TPCN2: variants seen among roughly 807,000 people sequenced by gnomAD.
TPCN2 encodes two pore segment channel 2.
Under a neutral mutation model 111.4 loss-of-function variants are expected in TPCN2, and 92 were observed. The ratio of observed to expected loss-of-function variants is 0.83; its 90% CI spans 0.70 to 0.98. The LOEUF (loss-of-function observed/expected upper bound fraction) is 0.98, where lower values mean the gene tolerates loss of function less well. TPCN2 is among the 50% of genes least tolerant of loss of function. TPCN2 has a pLI of 0.00. For missense variants in TPCN2, 995 were observed against 980.1 expected (o/e 1.02, Z -0.20); for synonymous variants, 405 against 414.5 (o/e 0.98, Z 0.28).
chr11:69,054,232 C>T (rs1443001716), intron 2 of TPCN2, 135 bp downstream of exon 2: 1 of 704,886 alleles, frequency 1.4e-6, no homozygotes, highest in African/African-American at 1.8e-5. Context: ...AGGGTGGAGC[C>T]TCTGGGCACG....
intron 4 of TPCN2, among the ~76,000 whole-genome samples, chr11:69,055,819 G>A (rs1288374701): frequency 1.3e-5 from 2 of 152,246 alleles, no homozygotes; most frequent in African/African-American, 4.8e-5. Flanking sequence ...CAGTGCTGCT[G>A]TGAGGAGAGG....
chr11:69,080,907 G>A (rs1238015294), intron 17 of TPCN2, among the ~76,000 whole-genome samples: 6 of 152,198 alleles, frequency 3.9e-5, no homozygotes, highest in Admixed American at 1.3e-4. Context: ...AAGACCATGA[G>A]GGATGCCAAG....
chr11:69,081,378 C>T (rs1418029079), intron 17 of TPCN2, 22 bp from the exon 18 acceptor site: 14 of 1,517,394 alleles, frequency 9.2e-6, no homozygotes, highest in East Asian at 4.9e-5. Flanking sequence ...CCTCCCAACC[C>T]GCCTCCCGTG....
At chr11:69,055,774 G>A (rs1854735016) in intron 4 of TPCN2, among the ~76,000 whole-genome samples, 1 of 152,040 alleles carries the variant, frequency 6.6e-6, no homozygotes, top group African/African-American at 2.4e-5. Context: ...GGGTTGCGCA[G>A]GCTGACAGGG....
intron 1 of TPCN2, among the ~76,000 whole-genome samples, 187 bp downstream of exon 1, chr11:69,049,293 G>C (rs554431498): frequency 6.6e-6 from 1 of 152,302 alleles, no homozygotes; most frequent in East Asian, 1.9e-4. Context: ...GCGTCCTGCG[G>C]ACCCGGACCG....
intron 18 of TPCN2, 21 bp downstream of exon 18, chr11:69,081,520 C>A (rs762928571): frequency 4.0e-6 from 6 of 1,511,798 alleles, no homozygotes; most frequent in Non-Finnish European, 5.4e-6. Flanking sequence ...GCCCCACCCC[C>A]ACTCGCCCCA....
At chr11:69,059,427 G>A (rs61887932) in intron 5 of TPCN2, among the ~76,000 whole-genome samples, 62,477 of 152,024 alleles carry the variant, frequency 0.41, 13,544 homozygotes, top group South Asian at 0.65. Context: ...TGGAAAGCTG[G>A]CCATCCACCT....
chr11:69,063,149 T>C (rs1224978343), intron 6 of TPCN2, among the ~76,000 whole-genome samples, 159 bp downstream of exon 6: 1 of 151,772 alleles, frequency 6.6e-6, no homozygotes, highest in Non-Finnish European at 1.5e-5. Context: ...TGGGGGGCTT[T>C]TGGGGTCTCT....
rs772538183 is a variant in TPCN2 at position 69,054,096 on chromosome 11, A to G, written c.173A>G (p.Gln58Arg). Residue 58 changes from glutamine to arginine, a missense_variant and splice_region_variant, in exon 2 of 25, where the codon CAG (glutamine) becomes CGG (arginine). By Grantham distance (43) the Gln-to-Arg change is conservative. Transcript: ENST00000294309. ...GTGGTCTTCATCGAAGATGCTATTC[A>G]GGTCGGTGGCACCTGCTCCCTGTGG... is the stretch of plus-strand genomic sequence containing the variant. The part of the protein sequence containing the change: ...QAVVFIEDAI[Q>R]YRSINHRVDA... 6.2e-7 allele frequency: 1 copy of G among 1,612,880 alleles called. No homozygotes were observed. Among genetic ancestry groups the G allele is most frequent in the South Asian group, 1.1e-5 (1 of 91,038 alleles).
chr11:69,061,581 G>T (rs1029316726), intron 5 of TPCN2, among the ~76,000 whole-genome samples: 1 of 152,168 alleles, frequency 6.6e-6, no homozygotes, highest in Non-Finnish European at 1.5e-5. Context: ...CGGGCAGTGC[G>T]GGGACCTACA....
At chr11:69,053,929 C>T in intron 1 of TPCN2, 104 bp from the exon 2 acceptor site, 1 of 1,020,144 alleles carries the variant, frequency 9.8e-7, no homozygotes, top group East Asian at 2.6e-5. Flanking sequence ...TACAAACGGC[C>T]TTGGGAAGAA....
At chr11:69,066,597 C>T (rs113080609) in intron 7 of TPCN2, among the ~76,000 whole-genome samples, 35 of 152,312 alleles carry the variant, frequency 2.3e-4, no homozygotes, top group Non-Finnish European at 1.6e-4. Context: ...GCGGCCTGTG[C>T]GACAGAGAGT....
chr11:69,053,504 G>A (rs747126679), intron 1 of TPCN2, among the ~76,000 whole-genome samples: 3 of 152,110 alleles, frequency 2.0e-5, no homozygotes, highest in Non-Finnish European at 2.9e-5. Context: ...CAGTGTCCTG[G>A]CTCATGAAGA....
chr11:69,053,977 G>T, intron 1 of TPCN2, 56 bp from the exon 2 acceptor site: 1 of 1,457,794 alleles, frequency 6.9e-7, no homozygotes, highest in Non-Finnish European at 9.6e-7. Context: ...GGGTATCCTG[G>T]AGGGTGAGGC....
chr11:69,084,134 G>A (rs1856166304), intron 19 of TPCN2, 118 bp downstream of exon 19: 10 of 1,087,284 alleles, frequency 9.2e-6, no homozygotes, highest in South Asian at 3.9e-5. Flanking sequence ...TCTTGGGTTC[G>A]GACGGCAGCA....
intron 14 of TPCN2, 30 bp from the exon 15 acceptor site, chr11:69,078,704 G>T (rs370150789): frequency 6.2e-7 from 1 of 1,613,708 alleles, no homozygotes; most frequent in Admixed American, 1.7e-5. Context: ...TGCTGGGCCA[G>T]CCGGCGAGCC....
intron 6 of TPCN2, among the ~76,000 whole-genome samples, chr11:69,063,351 G>A (rs1275119881): frequency 1.3e-5 from 2 of 151,966 alleles, no homozygotes; most frequent in Non-Finnish European, 1.5e-5. Flanking sequence ...GTGTCGGCAC[G>A]CTGCCAGCCT....
At chr11:69,080,127 T>TC (rs1377611631) in intron 17 of TPCN2, among the ~76,000 whole-genome samples, 2 of 152,168 alleles carry the variant, frequency 1.3e-5, no homozygotes, top group East Asian at 1.9e-4. Flanking sequence ...AAGCCGTTGT[T>TC]CCCCCTTGGA....
chr11:69,080,576 C>T (rs1472720927), intron 17 of TPCN2, among the ~76,000 whole-genome samples: 1 of 152,210 alleles, frequency 6.6e-6, no homozygotes, highest in Non-Finnish European at 1.5e-5. Context: ...CAGCCTCGGC[C>T]CTGTGGTTAG....
Sources: allele counts gnomAD v4.1 joint callset (sites outside exome capture counted in the v4.1 genomes callset), GRCh38; gene constraint gnomAD v4.1.1; transcripts MANE v1.5; gene names NCBI Gene and HGNC (gene_info 2026-07-23, HGNC 2026-07-21).